The following MUC7 variants were observed in gnomAD, a reference collection of about 807,000 sequenced individuals.
MUC7 encodes the protein mucin-7.
MUC7 carries 2 observed loss-of-function variants against 2.5 expected under a neutral mutation model. The observed-to-expected ratio is 0.81, with a 90% confidence interval of 0.33 to 2.55. The LOEUF (loss-of-function observed/expected upper bound fraction) is 2.55, where lower values mean the gene tolerates loss of function less well. Among genes scored for constraint, MUC7 ranks in the 30% most tolerant of loss-of-function variants. MUC7 has a pLI of 0.11. For synonymous variants in MUC7, 133 were observed against 173.4 expected, an observed-to-expected ratio of 0.77 and a Z score of 1.83; for missense variants, 408 against 455.6, an observed-to-expected ratio of 0.90 and a Z score of 0.95.
chr4:70,473,192 T>G (rs1734888031), intron 1 of MUC7, among the ~76,000 whole-genome samples: 1 of 152,170 alleles, frequency 6.6e-6, no homozygotes, highest in Non-Finnish European at 1.5e-5. Context: ...CCCAGAATTT[T>G]GGGAGGCCGA....
chr4:70,450,401 A>G (rs986585634), intron 1 of MUC7, among the ~76,000 whole-genome samples: 4 of 152,134 alleles, frequency 2.6e-5, no homozygotes, highest in Non-Finnish European at 5.9e-5. Flanking sequence ...CAAGTCCTGG[A>G]ATTGGGGATG....
chr4:70,481,066 A>G lies in MUC7; in HGVS notation c.322A>G (p.Thr108Ala). Reference sequence around the variant, plus strand: ...TGTGGTCAACCCTACCTTAGTGGCTACAACCCAAATTCCATCTGTGACTTT... The same window carrying G: ...TGTGGTCAACCCTACCTTAGTGGCTGCAACCCAAATTCCATCTGTGACTTT... Reference protein sequence around the residue: ...SSVVNPTLVATTQIPSVTFPS... With the variant: ...SSVVNPTLVAATQIPSVTFPS... The change falls in exon 3 of 3, where the codon ACA becomes GCA. Residue 108 changes from threonine to alanine, a missense_variant. Around this residue, in one of 3 missense-constraint regions of MUC7, gnomAD observed 225 missense variants for 240.5 expected, o/e 0.94. Transcript: ENST00000304887. 1 of 1,614,122 alleles carries G rather than the reference A, an allele frequency of 6.2e-7. No homozygotes were observed. Among genetic ancestry groups the G allele is most frequent in the Non-Finnish European group, 8.5e-7 (1 of 1,180,012 alleles).
At chr4:70,446,211 A>T (rs528230801) in intron 1 of MUC7, among the ~76,000 whole-genome samples, 2 of 152,242 alleles carry the variant, frequency 1.3e-5, no homozygotes, top group Non-Finnish European at 2.9e-5. Context: ...TATTATAGAT[A>T]CATATGAATA....
At chr4:70,449,276 C>T (rs929577828) in intron 1 of MUC7, among the ~76,000 whole-genome samples, 2 of 152,108 alleles carry the variant, frequency 1.3e-5, no homozygotes, top group South Asian at 2.1e-4. Flanking sequence ...GTTTGATGGA[C>T]TCATGGTTCA....
chr4:70,434,343 C>T (rs1223685052), intron 1 of MUC7, among the ~76,000 whole-genome samples: 1 of 152,170 alleles, frequency 6.6e-6, no homozygotes, highest in Non-Finnish European at 1.5e-5. Context: ...GTGAATCCAT[C>T]TGGTCCTGGA....
rs1265148128 is a variant in MUC7 at position 70,435,280 on chromosome 4, T to TAAATTAAC, written c.-93+4593_-93+4594insAAATTAAC. On this transcript the variant is annotated intron_variant, in intron 1 of 3. Transcript: ENST00000413702. The stretch of plus-strand genomic sequence containing the variant: ...ATATCCTTGTTAATTTACTGTCTCG[T>TAAATTAAC]TGATCTAATATTGACAGTGGGGTAT... 5.9e-5 allele frequency among the ~76,000 whole-genome samples: 9 copies of TAAATTAAC among 152,200 alleles called. No individual in the cohort carries two copies. The South Asian group carries it at 6.2e-4, about 10-fold the overall frequency.
Sources: gnomAD v4.1 joint callset for allele counts (sites outside exome capture counted in the v4.1 genomes callset) on GRCh38, gnomAD v4.1.1 for gene constraint, gnomAD v4.1.1 regional missense constraint, MANE v1.5 for transcripts, NCBI Gene and HGNC (gene_info 2026-07-23, HGNC 2026-07-21) for gene names.